Variants in TMEM63B observed in about 807,000 individuals in gnomAD.
TMEM63B encodes mechanosensitive cation channel TMEM63B.
Under a neutral mutation model 102.6 loss-of-function variants are expected in TMEM63B, and 23 were observed. That is an observed-to-expected ratio of 0.22 (90% CI 0.16 to 0.32). The LOEUF (loss-of-function observed/expected upper bound fraction) is 0.32, where lower values mean the gene tolerates loss of function less well. Ranked by LOEUF, TMEM63B falls within the 10% of genes least tolerant of loss-of-function variation. The pLI, the probability that TMEM63B is intolerant of heterozygous loss-of-function variation, is 1.00. For missense variants in TMEM63B, 628 were observed against 1,095.9 expected (o/e 0.57, Z 6.03); for synonymous variants, 444 against 437.0 (o/e 1.02, Z -0.20).
chr6:44,144,336 A>G (rs751212073), intron 10 of TMEM63B, among the ~76,000 whole-genome samples: 17 of 152,150 alleles, frequency 1.1e-4, no homozygotes, highest in Non-Finnish European at 2.5e-4. Flanking sequence ...ATGCAAATCA[A>G]CGGGCCTGTG....
At chr6:44,136,515 T>G in intron 5 of TMEM63B, 76 bp downstream of exon 5, 1 of 1,024,494 alleles carries the variant, frequency 9.8e-7, no homozygotes, top group South Asian at 1.4e-5. Flanking sequence ...TCCCTCACTT[T>G]CAGTGATGTG....
intron 6 of TMEM63B, 168 bp downstream of exon 6, chr6:44,138,685 G>C: frequency 1.6e-6 from 1 of 631,542 alleles, no homozygotes; most frequent in Non-Finnish European, 2.7e-6. Context: ...AGCCTCTGCT[G>C]TACCCTGAAC....
rs377169592 is a variant in TMEM63B at position 44,154,445 on chromosome 6, G to A, written c.2307G>A (p.Ala769=). 85 of 1,613,846 alleles carry A rather than the reference G, an allele frequency of 5.3e-5. No homozygotes were observed. Among genetic ancestry groups the A allele is most frequent in the South Asian group, 3.8e-4 (35 of 91,088 alleles). Residue 769 remains alanine (A), a splice_region_variant and synonymous_variant, in exon 23 of 24, where the codon GCG becomes GCA. Coordinates refer to ENST00000323267, the MANE Select transcript of TMEM63B (RefSeq NM_018426.3). ...PPTAAAVPKS[A]KYIAQVLQDS... Reference sequence around the variant, plus strand: ...CTGCTGCTGCTGTCCCCAAATCTGCGGTGAGTGCCCTCAAGGGTTGGGAGG... The same window carrying A: ...CTGCTGCTGCTGTCCCCAAATCTGCAGTGAGTGCCCTCAAGGGTTGGGAGG...
chr6:44,134,613 G>C lies in TMEM63B; in HGVS notation c.29G>C (p.Gly10Ala). 2 of 1,614,128 alleles carry C rather than the reference G, an allele frequency of 1.2e-6. No homozygotes were observed. The highest frequency in any genetic ancestry group is 1.7e-6 in the Non-Finnish European group (2 of 1,180,020). Reference sequence around the variant, plus strand: ...CTGCCCTTTCTGCTGGCCACACTGGGCACCACAGCCCTCAACAACAGCAAC... The same window carrying C: ...CTGCCCTTTCTGCTGGCCACACTGGCCACCACAGCCCTCAACAACAGCAAC... MLPFLLATL[G>A]TTALNNSNPK... is the part of the protein sequence containing the mutation. The change falls in exon 2 of 24, where the codon GGC becomes GCC. Residue 10 changes from glycine (G) to alanine (A), a missense_variant. Physicochemically the swap from Gly to Ala is moderately conservative, Grantham distance 60. Transcript: ENST00000323267.
intron 21 of TMEM63B, 46 bp from the exon 22 acceptor site, chr6:44,154,027 A>G (rs1255348324): frequency 6.3e-7 from 1 of 1,586,576 alleles, no homozygotes; most frequent in Non-Finnish European, 8.7e-7. Context: ...TGGGGTGGGG[A>G]GGCCCACAGG....
chr6:44,138,754 C>G (rs1046920072), intron 6 of TMEM63B: 15 of 423,392 alleles, frequency 3.5e-5, no homozygotes, highest in Non-Finnish European at 6.6e-5. Flanking sequence ...GCTTCTCTCC[C>G]TGCCCTGCCC....
intron 4 of TMEM63B, among the ~76,000 whole-genome samples, chr6:44,135,916 C>T (rs1762844879): frequency 6.6e-6 from 1 of 152,016 alleles, no homozygotes; most frequent in East Asian, 1.9e-4. Flanking sequence ...GGGTCCCACC[C>T]AGGAGACCTT....
At chr6:44,131,343 AG>A (rs1428281802) in intron 1 of TMEM63B, among the ~76,000 whole-genome samples, 1 of 152,168 alleles carries the variant, frequency 6.6e-6, no homozygotes, top group Non-Finnish European at 1.5e-5. Flanking sequence ...CAGGTTTCGT[AG>A]TAACAGAGCT....
Position 44,154,894 on chromosome 6 carries a change from G to A in TMEM63B, c.*11G>A, listed in dbSNP as rs1480260993. On this transcript the variant is annotated 3_prime_UTR_variant, in exon 24 of 24. Coordinates refer to ENST00000323267, the MANE Select transcript of TMEM63B (RefSeq NM_018426.3). Reference sequence around the variant, plus strand: ...GAGATTCACCAGTAAGGGGAGGGAGGGGCCCTGGAGGCCACATCCTGCCCC... The same window carrying A: ...GAGATTCACCAGTAAGGGGAGGGAGAGGCCCTGGAGGCCACATCCTGCCCC... The A allele has an allele frequency of 1.3e-6, 2 of 1,512,772 alleles. No homozygotes were observed. Among genetic ancestry groups the A allele is most frequent in the East Asian group, 2.4e-5 (1 of 42,018 alleles). The allele number at this position is 1,512,772 out of a possible 1,614,324, so 93.7% of individuals were successfully genotyped here.
intron 1 of TMEM63B, among the ~76,000 whole-genome samples, chr6:44,131,735 C>CT (rs386406893): frequency 2.3e-4 from 6 of 26,626 alleles, no homozygotes; most frequent in Non-Finnish European, 3.5e-4. Context: ...TACACAACAA[C>CT]CCCCCCAAAA....
chr6:44,150,124 C>A lies in TMEM63B; in HGVS notation c.1521-100C>A. On this transcript the variant is annotated intron_variant, in intron 16 of 23. Coordinates refer to ENST00000323267, the MANE Select transcript of TMEM63B (RefSeq NM_018426.3). The surrounding 1 kb of genome is among the most constrained non-coding windows in gnomAD (Gnocchi z 4.7). Reference sequence around the variant, plus strand: ...GCACCCTCACCTTGGGAGGCCCACCCTTCCCAGGGGACACTCCTTGGACAT... The same window carrying A: ...GCACCCTCACCTTGGGAGGCCCACCATTCCCAGGGGACACTCCTTGGACAT... The A allele has an allele frequency of 7.2e-7, 1 of 1,390,732 alleles. No homozygotes were observed. Among genetic ancestry groups the A allele is most frequent in the East Asian group, 2.4e-5 (1 of 42,514 alleles). 86.1% of individuals were successfully genotyped at this position (1,390,732 alleles called of 1,614,324 possible).
chr6:44,134,244 G>A (rs987604144), intron 1 of TMEM63B, among the ~76,000 whole-genome samples: 1 of 152,164 alleles, frequency 6.6e-6, no homozygotes, highest in Admixed American at 6.5e-5. Flanking sequence ...TGGGGGTGGC[G>A]GCGGCAGGGG....
chr6:44,135,512 T>C, intron 4 of TMEM63B, 146 bp downstream of exon 4: 1 of 1,070,946 alleles, frequency 9.3e-7, no homozygotes, highest in Non-Finnish European at 1.3e-6. Flanking sequence ...ACGCAGGCGG[T>C]GTGCTTTGCA....
chr6:44,143,909 C>T (rs1289265577), intron 10 of TMEM63B, among the ~76,000 whole-genome samples: 2 of 152,184 alleles, frequency 1.3e-5, no homozygotes, highest in African/African-American at 2.4e-5. Context: ...TCTATTCATT[C>T]AGCCCACATT....
In TMEM63B at chr6:44,152,544, G is replaced by T; in HGVS notation, c.1837-49G>T. 2.1e-6 allele frequency: 3 copies of T among 1,411,370 alleles called. No homozygotes were observed. Among genetic ancestry groups the T allele is most frequent in the Admixed American group, 1.7e-5 (1 of 58,066 alleles). The allele number at this position is 1,411,370 out of a possible 1,614,324, so 87.4% of individuals were successfully genotyped here. A position where few individuals can be genotyped will look rare whatever the true frequency, so the allele number is the denominator to read the frequency against. On this transcript the variant is annotated intron_variant, in intron 19 of 23. Coordinates refer to ENST00000323267, the MANE Select transcript of TMEM63B (RefSeq NM_018426.3). This position sits in a 1 kb window ranked among gnomAD's most constrained non-coding sequence, Gnocchi z 6.4. ...CCCCTCCCTCCTTCCCTGCCCCTCT[G>T]GTCAGTCCCTGCCTCCCTGAGCCAT...
Position 44,150,542 on chromosome 6 carries a change from T to A in TMEM63B, c.1608-22T>A, listed in dbSNP as rs150132589. The stretch of plus-strand genomic sequence containing the variant: ...CTGTACCACTCCAGCTCCCACCCCA[T>A]CTCTCCTCTGCTTCCCTCCAGCCTG... On this transcript the variant is annotated intron_variant, in intron 17 of 23. Transcript: ENST00000323267. The surrounding 1 kb of genome is among the most constrained non-coding windows in gnomAD (Gnocchi z 4.7). 1,074 of 1,612,312 alleles carry A rather than the reference T, an allele frequency of 6.7e-4. 6 individuals are homozygous for A. The Middle Eastern group carries it at 8.4e-3, about 13-fold the overall frequency.
chr6:44,145,893 TAAGTC>T (rs1212852170), intron 10 of TMEM63B, among the ~76,000 whole-genome samples: 30 of 152,188 alleles, frequency 2.0e-4, no homozygotes, highest in Non-Finnish European at 2.9e-4. Context: ...TGGTCAGTCT[TAAGTC>T]AAGGTAAGGA....
chr6:44,135,287 C>T (rs1430872401), intron 3 of TMEM63B, 41 bp from the exon 4 acceptor site: 1 of 1,600,044 alleles, frequency 6.2e-7, no homozygotes, highest in South Asian at 1.1e-5. Flanking sequence ...CCCAGGGACT[C>T]TCCCCCGCCC....
chr6:44,127,785 T>TGCGGGACCCAGAGGTGCCCGGGCCC (rs1482261693), intron 1 of TMEM63B, 107 bp downstream of exon 1: 3 of 151,434 alleles, frequency 2.0e-5, no homozygotes, highest in Non-Finnish European at 4.4e-5. Flanking sequence ...TTCAACCTCC[T>TGCGGGACCCAGAGGTGCCCGGGCCC]GCGGGACCCA....
Sources: gnomAD v4.1 joint callset for allele counts (sites outside exome capture counted in the v4.1 genomes callset) on GRCh38, gnomAD v4.1.1 for gene constraint, Gnocchi (gnomAD v3.1) non-coding constraint, MANE v1.5 for transcripts, NCBI Gene and HGNC (gene_info 2026-07-23, HGNC 2026-07-21) for gene names.